ZZZ3: variants seen among roughly 807,000 people sequenced by gnomAD.
The protein encoded by ZZZ3 is zinc finger ZZ-type containing 3, also known as ZZ-type zinc finger-containing protein 3.
Under a neutral mutation model 95.2 loss-of-function variants are expected in ZZZ3, and 22 were observed. The observed-to-expected ratio is 0.23, with a 90% CI of 0.17 to 0.33. The LOEUF (loss-of-function observed/expected upper bound fraction) is 0.33. ZZZ3 is among the 10% of genes least tolerant of loss of function. The pLI, the probability that ZZZ3 is intolerant of heterozygous loss-of-function variation, is 1.00. For missense variants in ZZZ3, 885 were observed against 1,066.5 expected (o/e 0.83, Z 2.37); for synonymous variants, 335 against 358.9 (o/e 0.93, Z 0.75).
intron 12 of ZZZ3, among the ~76,000 whole-genome samples, chr1:77,571,670 A>G (rs1661399686): frequency 6.6e-6 from 1 of 152,242 alleles, no homozygotes; most frequent in Non-Finnish European, 1.5e-5. Context: ...GGGTGAAACG[A>G]GCCAGTCACA....
At position 77,639,531 on chromosome 1, in the gene ZZZ3, G is replaced by T; in HGVS notation, c.-134C>A. 1 of 1,361,524 alleles carries T rather than the reference G, an allele frequency of 7.3e-7. No individual in the cohort carries two copies. The allele number at this position is 1,361,524 out of a possible 1,614,324, so 84.3% of individuals were successfully genotyped here. ...AGGAGTTGGAGCTATGATCTAGAAT[G>T]GAGCTTAAGCATCAGGGTTTCAGAC... On this transcript the variant is annotated 5_prime_UTR_variant, in exon 4 of 15. Coordinates refer to ENST00000370801, the MANE Select transcript of ZZZ3 (RefSeq NM_015534.6).
chr1:77,628,358 T>C (rs943150578), intron 5 of ZZZ3, among the ~76,000 whole-genome samples: 40 of 152,318 alleles, frequency 2.6e-4, no homozygotes, highest in African/African-American at 8.7e-4. Flanking sequence ...AGATGGAATC[T>C]TGCCAGAGAA....
intron 1 of ZZZ3, among the ~76,000 whole-genome samples, chr1:77,650,004 C>T (rs1307863060): frequency 2.0e-5 from 3 of 151,922 alleles, no homozygotes; most frequent in African/African-American, 7.3e-5. Flanking sequence ...GGAAAGGGGA[C>T]ATACAATGTA....
chr1:77,604,611 T>C (rs1302042737), intron 5 of ZZZ3, among the ~76,000 whole-genome samples: 1 of 152,190 alleles, frequency 6.6e-6, no homozygotes, highest in Non-Finnish European at 1.5e-5. Flanking sequence ...TCCATTCCCT[T>C]AGATCGATAA....
chr1:77,567,333 TAGTCTTGC>T (rs1660921749), intron 13 of ZZZ3, among the ~76,000 whole-genome samples: 1 of 152,238 alleles, frequency 6.6e-6, no homozygotes, highest in Non-Finnish European at 1.5e-5. Flanking sequence ...TCCTTGACTC[TAGTCTTGC>T]CTTCCTCTAA....
chr1:77,609,847 T>C lies in ZZZ3; in HGVS notation c.1505+22003A>G, dbSNP rs1570494482. ...AAAAACTTTTTGAAACAAATGATAA[T>C]GAAAACACAACATACCATAACCTAT... On this transcript the variant is annotated intron_variant, in intron 5 of 14. Transcript: ENST00000370801. 2.0e-5 allele frequency among the ~76,000 whole-genome samples: 3 copies of C among 151,940 alleles called. 1 individual carries two copies. Among genetic ancestry groups the C allele is most frequent in the Admixed American group, 2.0e-4 (3 of 15,256 alleles).
In ZZZ3 at chr1:77,632,431, C is replaced by G. The variant is rs780519195; in HGVS notation, c.924G>C (p.Gln308His). The G allele has an allele frequency of 1.9e-6, 3 of 1,614,144 alleles. No homozygotes were observed. Among genetic ancestry groups the G allele is most frequent in the Non-Finnish European group, 2.5e-6 (3 of 1,180,014 alleles). The change falls in exon 5 of 15, where the codon CAG becomes CAC. Residue 308 changes from glutamine (Q) to histidine (H), a missense_variant. Coordinates refer to ENST00000370801, the MANE Select transcript of ZZZ3 (RefSeq NM_015534.6). ...CCTCCTCAGAATCCCTTAAAGATGACTGAGTTTCAGAAAAGGGCCCTGTAG... is the reference window on the plus strand; with the variant it reads ...CCTCCTCAGAATCCCTTAAAGATGAGTGAGTTTCAGAAAAGGGCCCTGTAG... ...EPATGPFSET[Q>H]SSLRDSEEEV...
chr1:77,631,955 G>A lies in ZZZ3; in HGVS notation c.1400C>T (p.Pro467Leu). The A allele has an allele frequency of 3.7e-6, 6 of 1,614,004 alleles. No homozygotes were observed. Among genetic ancestry groups the A allele is most frequent in the Non-Finnish European group, 5.1e-6 (6 of 1,179,964 alleles). Reference sequence around the variant, plus strand: ...CTGACTGGCACTCTCTTTGGCAGATGGCAAATGTCCAATATTGAGTCTTGC... The same window carrying A: ...CTGACTGGCACTCTCTTTGGCAGATAGCAAATGTCCAATATTGAGTCTTGC... The part of the protein sequence containing the change: ...SEARLNIGHL[P>L]SAKESASQHI... The change falls in exon 5 of 15, where the codon CCA becomes CTA. Residue 467 changes from proline (P) to leucine (L), a missense_variant. Pro to Leu is a moderately conservative substitution (Grantham distance 98). This residue lies in a region of ZZZ3 where 556 missense variants were observed against 652.9 expected (regional missense o/e 0.85). Transcript: ENST00000370801.
chr1:77,670,485 C>T (rs1210206596), intron 1 of ZZZ3, among the ~76,000 whole-genome samples: 1 of 152,062 alleles, frequency 6.6e-6, no homozygotes, highest in African/African-American at 2.4e-5. Flanking sequence ...TCTCGAACTC[C>T]TGACCTCAGA....
chr1:77,619,339 T>A (rs1373843338), intron 5 of ZZZ3, among the ~76,000 whole-genome samples: 1 of 152,162 alleles, frequency 6.6e-6, no homozygotes, highest in Non-Finnish European at 1.5e-5. Flanking sequence ...ACACAGCACA[T>A]GTCATTTTAA....
At chr1:77,594,733 T>G (rs776102891) in intron 5 of ZZZ3, among the ~76,000 whole-genome samples, 3 of 151,830 alleles carry the variant, frequency 2.0e-5, no homozygotes, top group Non-Finnish European at 4.4e-5. Flanking sequence ...TTGCCAAATT[T>G]ATGAACATGA....
intron 4 of ZZZ3, 28 bp from the exon 5 acceptor site, chr1:77,633,433 A>T: frequency 6.8e-7 from 1 of 1,462,034 alleles, no homozygotes; most frequent in Non-Finnish European, 9.2e-7. Flanking sequence ...AAATAATGAG[A>T]AAAAGGTAAT....
chr1:77,590,997 T>A (rs973692000), intron 5 of ZZZ3, among the ~76,000 whole-genome samples: 18 of 152,168 alleles, frequency 1.2e-4, no homozygotes, highest in Admixed American at 3.9e-4. Context: ...ACTGTTCTAG[T>A]TTTTCTAAGT....
At chr1:77,649,658 G>A (rs7546155) in intron 1 of ZZZ3, among the ~76,000 whole-genome samples, 6,360 of 152,110 alleles carry the variant, frequency 0.042, 159 homozygotes, top group Middle Eastern at 0.078. Flanking sequence ...CAAGGTGGGC[G>A]GATCACCTGA....
intron 5 of ZZZ3, among the ~76,000 whole-genome samples, chr1:77,605,788 T>C (rs969401744): frequency 9.2e-5 from 14 of 151,942 alleles, no homozygotes; most frequent in African/African-American, 3.4e-4. Context: ...GCAGCATCCA[T>C]CATTTGCTGA....
chr1:77,566,060 G>A (rs1275260058), intron 14 of ZZZ3, 21 bp downstream of exon 14: 1 of 1,574,482 alleles, frequency 6.4e-7, no homozygotes, highest in Admixed American at 1.7e-5. Flanking sequence ...GTTGAAGACT[G>A]ACAATGAAGA....
intron 11 of ZZZ3, among the ~76,000 whole-genome samples, chr1:77,577,470 A>C (rs1262707108): frequency 4.6e-5 from 7 of 152,234 alleles, no homozygotes; most frequent in African/African-American, 1.7e-4. Flanking sequence ...GAAACCCAAA[A>C]TATTTAAAAC....
At chr1:77,582,590 T>C (rs767808929) in intron 6 of ZZZ3, among the ~76,000 whole-genome samples, 11 of 150,304 alleles carry the variant, frequency 7.3e-5, no homozygotes, top group African/African-American at 1.2e-4. Context: ...CCCAGAAAAA[T>C]AGAAGAATCA....
In ZZZ3 at chr1:77,610,136, TA is replaced by T. The variant is rs34927182; in HGVS notation, c.1505+21713del. Reference sequence around the variant, plus strand: ...AGAGCACTCCAAATAAAATCAGAGATAAAAAAAAAAAAGCAGACTTTACAAT... The same window carrying T: ...AGAGCACTCCAAATAAAATCAGAGATAAAAAAAAAAAGCAGACTTTACAAT... On this transcript the variant is annotated intron_variant, in intron 5 of 14. Transcript: ENST00000370801. Among the ~76,000 whole-genome samples the T allele has an allele frequency of 5.6e-4, 79 of 140,178 alleles. 1 individual carries two copies. Among genetic ancestry groups the T allele is most frequent in the South Asian group, 4.9e-3 (22 of 4,454 alleles). 92.0% of individuals were successfully genotyped at this position (140,178 alleles called of 152,430 possible).
Sources: allele counts gnomAD v4.1 joint callset (sites outside exome capture counted in the v4.1 genomes callset), GRCh38; gene constraint gnomAD v4.1.1; regional missense constraint gnomAD v4.1.1; transcripts MANE v1.5; gene names NCBI Gene and HGNC (gene_info 2026-07-23, HGNC 2026-07-21).